The following SYNE2 variants were observed in gnomAD, a reference collection of about 807,000 sequenced individuals.
SYNE2 encodes the protein nesprin-2.
SYNE2 carries 431 observed loss-of-function variants against 856.3 expected under a neutral mutation model. That is an observed-to-expected ratio of 0.50 (90% CI 0.47 to 0.55). The LOEUF (loss-of-function observed/expected upper bound fraction) is 0.55. Ranked by LOEUF, SYNE2 falls within the 20% of genes least tolerant of loss-of-function variation. The probability of loss-of-function intolerance (pLI) is 0.00; values close to 1 mark genes in which losing one functional copy is unlikely to be tolerated. For synonymous variants in SYNE2, 2,923 were observed against 2,872.3 expected, an observed-to-expected ratio of 1.02 and a Z score of -0.56; for missense variants, 8,129 against 8,023.2, an observed-to-expected ratio of 1.01 and a Z score of -0.50.
intron 1 of SYNE2, among the ~76,000 whole-genome samples, chr14:63,771,854 G>A (rs1014568358): frequency 6.6e-6 from 1 of 151,406 alleles, no homozygotes; most frequent in African/African-American, 2.5e-5. Flanking sequence ...CCGAGATCAC[G>A]TCACTGCACT....
chr14:64,102,291 A>G (rs2097737373), intron 64 of SYNE2, among the ~76,000 whole-genome samples: 1 of 152,064 alleles, frequency 6.6e-6, no homozygotes. Context: ...TAATTTTTGT[A>G]TTTGTAGTAG....
At chr14:64,149,528 A>G (rs921337140) in intron 84 of SYNE2, among the ~76,000 whole-genome samples, 3 of 152,172 alleles carry the variant, frequency 2.0e-5, no homozygotes, top group African/African-American at 7.2e-5. Flanking sequence ...CACGTTTGAC[A>G]TATTATAATT....
chr14:64,122,642 A>G, intron 70 of SYNE2: 1 of 640,964 alleles, frequency 1.6e-6, no homozygotes, highest in Non-Finnish European at 2.7e-6. Context: ...GCTGTTATTT[A>G]TAACAACTAT....
chr14:64,141,511 A>G lies in SYNE2; in HGVS notation c.15147A>G (p.Glu5049=), dbSNP rs1192492019. The change falls in exon 81 of 116, where the codon GAA becomes GAG. Residue 5049 remains glutamate, a synonymous_variant. Transcript: ENST00000555002. ...MLITQLPDIQ[E]KLHQLQMEKL... is the part of the protein sequence containing the mutation. Reference sequence around the variant, plus strand: ...TAACTCAACTTCCAGATATTCAAGAAAAACTTCACCAGGTAAGTCTTTAGA... The same window carrying G: ...TAACTCAACTTCCAGATATTCAAGAGAAACTTCACCAGGTAAGTCTTTAGA... 1.2e-6 allele frequency: 2 copies of G among 1,614,026 alleles called. No homozygotes were observed. Among genetic ancestry groups the G allele is most frequent in the Non-Finnish European group, 1.7e-6 (2 of 1,179,936 alleles).
In SYNE2 at chr14:64,221,563, G is replaced by A. The variant is rs370780732; in HGVS notation, c.20062-13G>A. 25 of 1,614,056 alleles carry A rather than the reference G, an allele frequency of 1.5e-5. No homozygotes were observed. Among genetic ancestry groups the A allele is most frequent in the Non-Finnish European group, 2.1e-5 (25 of 1,180,036 alleles). On this transcript the variant is annotated splice_polypyrimidine_tract_variant and intron_variant, in intron 111 of 115. Transcript: ENST00000555002. The stretch of plus-strand genomic sequence containing the variant: ...CTAAGACACGGCCGCGCTCTGATGT[G>A]TTGTTTTTTAAGGACTTCCACCAGT...
At position 64,221,631 on chromosome 14, in the gene SYNE2, G is replaced by A. The variant is rs35831865; in HGVS notation, c.20117G>A (p.Arg6706Gln). 5.5e-4 allele frequency: 892 copies of A among 1,614,114 alleles called. 8 individuals are homozygous for A. The African/African-American group carries it at 0.01, about 19-fold the overall frequency. ...LLLWLASAKNRRQKAHVTDPK... is the reference protein window; with the variant it reads ...LLLWLASAKNQRQKAHVTDPK... ...CTGTGGTTAGCGAGTGCCAAGAACC[G>A]GAGGCAGAAGGCTCATGTCACCGAT... The change falls in exon 112 of 116, where the codon CGG becomes CAG. Residue 6706 changes from arginine to glutamine, a missense_variant. By Grantham distance (43) the Arg-to-Gln change is conservative. Coordinates refer to ENST00000555002, the MANE Select transcript of SYNE2 (RefSeq NM_182914.3).
At position 64,030,050 on chromosome 14, in the gene SYNE2, G is replaced by A. The variant is rs1371896414; in HGVS notation, c.6870G>A (p.Gln2290=). The A allele has an allele frequency of 1.9e-6, 3 of 1,613,770 alleles. No homozygotes were observed. The highest frequency in any genetic ancestry group is 2.5e-6 in the Non-Finnish European group (3 of 1,179,932). ...VDQIAVEEKL[Q]KLQELENRLS... ...AAATAGCGGTTGAGGAAAAATTGCA[G>A]AAACTGCAGGTACTAAACGGTGTCC... The change falls in exon 44 of 116, where the codon CAG becomes CAA. Residue 2290 remains glutamine (Q), a synonymous_variant. Coordinates refer to ENST00000555002, the MANE Select transcript of SYNE2 (RefSeq NM_182914.3).
intron 1 of SYNE2, among the ~76,000 whole-genome samples, chr14:63,836,101 A>G (rs936311761): frequency 1.3e-5 from 2 of 152,140 alleles, no homozygotes; most frequent in African/African-American, 4.8e-5. Context: ...AGTGCAATGC[A>G]GCCTCGACTT....
At chr14:63,884,762 T>C (rs748308439) in intron 1 of SYNE2, among the ~76,000 whole-genome samples, 20 of 152,134 alleles carry the variant, frequency 1.3e-4, no homozygotes, top group South Asian at 8.3e-4. Context: ...AGGCCCCAGA[T>C]GTTGAATTTT....
At chr14:64,173,373 T>G (rs572897686) in intron 94 of SYNE2, among the ~76,000 whole-genome samples, 1 of 152,344 alleles carries the variant, frequency 6.6e-6, no homozygotes, top group African/African-American at 2.4e-5. Context: ...GTTGGAGAGA[T>G]GCACGTGGAG....
At position 64,120,994 on chromosome 14, in the gene SYNE2, C is replaced by A; in HGVS notation, c.13091C>A (p.Ser4364Tyr). 3.7e-6 allele frequency: 6 copies of A among 1,614,172 alleles called. No individual in the cohort carries two copies. Among genetic ancestry groups the A allele is most frequent in the Non-Finnish European group, 5.1e-6 (6 of 1,180,012 alleles). ...HQEALQPVNL[S>Y]ELESIVTERP... is the part of the protein sequence containing the mutation. Reference sequence around the variant, plus strand: ...GAAGCTCTCCAACCAGTTAACCTTTCTGAATTGGAATCCATTGTAACTGAA... The same window carrying A: ...GAAGCTCTCCAACCAGTTAACCTTTATGAATTGGAATCCATTGTAACTGAA... The change falls in exon 68 of 116, where the codon TCT becomes TAT. Residue 4364 changes from serine to tyrosine, a missense_variant. Transcript: ENST00000555002.
intron 57 of SYNE2, among the ~76,000 whole-genome samples, chr14:64,082,742 T>C (rs1371694990): frequency 6.6e-6 from 1 of 152,222 alleles, no homozygotes; most frequent in Non-Finnish European, 1.5e-5. Context: ...TGTTTTGTTT[T>C]AAGCCATTAA....
chr14:63,806,928 T>C lies in SYNE2; in HGVS notation c.-305+44942T>C, dbSNP rs532305512. Among the ~76,000 whole-genome samples the C allele has an allele frequency of 3.0e-4, 45 of 152,038 alleles. No homozygotes were observed. In the South Asian group the frequency reaches 4.4e-3, roughly 15 times the overall value. On this transcript the variant is annotated intron_variant, in intron 1 of 23. Transcript: ENST00000674003. The stretch of plus-strand genomic sequence containing the variant: ...GAACATATCGCTATGTTGCCCAGGC[T>C]GGTTCCAAACTCCTGGCCTCAAGTG...
chr14:64,014,974 T>C (rs9743683), intron 32 of SYNE2, among the ~76,000 whole-genome samples: 73,620 of 84,362 alleles, frequency 0.87, 32,264 homozygotes, highest in Non-Finnish European at 0.92. Context: ...TATATATATA[T>C]ACACACACAC....
intron 11 of SYNE2, among the ~76,000 whole-genome samples, chr14:63,970,653 T>C (rs957287948): frequency 1.1e-4 from 5 of 45,898 alleles, no homozygotes; most frequent in African/African-American, 7.4e-4. Flanking sequence ...TCTTTTTTCT[T>C]TTTTTTTTTT....
Position 64,087,662 on chromosome 14 carries a change from T to C in SYNE2, c.11485-9T>C. The C allele has an allele frequency of 6.2e-7, 1 of 1,613,906 alleles. No homozygotes were observed. ...TTCTCTCTATTTTTCCCATTCTGTG[T>C]TTATCTAGATGGCTTTGGAAGATTC... On this transcript the variant is annotated splice_polypyrimidine_tract_variant and intron_variant, in intron 57 of 115. Coordinates refer to ENST00000555002, the MANE Select transcript of SYNE2 (RefSeq NM_182914.3).
Position 63,983,944 on chromosome 14 carries a change from A to G in SYNE2, c.2151+58A>G. The G allele has an allele frequency of 5.3e-6, 7 of 1,333,126 alleles. No homozygotes were observed. In the East Asian group the frequency reaches 7.6e-5, roughly 14 times the overall value. 82.6% of individuals were successfully genotyped at this position (1,333,126 alleles called of 1,614,324 possible). ...CAAATAGAAATAATTTAACTTTGCT[A>G]TTAAAAAAAAGATATTGCCGGGCAC... On this transcript the variant is annotated intron_variant, in intron 18 of 115. Transcript: ENST00000555002.
chr14:63,825,267 T>C (rs1048951657), intron 1 of SYNE2, among the ~76,000 whole-genome samples: 1 of 151,336 alleles, frequency 6.6e-6, no homozygotes, highest in East Asian at 1.9e-4. Context: ...AGCACTGGAG[T>C]GAGATCAAAA....
At position 64,152,716 on chromosome 14, in the gene SYNE2, G is replaced by C. The variant is rs368363575; in HGVS notation, c.15792G>C (p.Gln5264His). 1.6e-5 allele frequency: 26 copies of C among 1,613,918 alleles called. No individual in the cohort carries two copies. The Middle Eastern group carries it at 4.9e-4, about 31-fold the overall frequency. ...LFQKRSSVLT[Q>H]VNQLKTSMQS... ...AAAAGAGAAGCAGTGTTCTCACTCA[G>C]GTACTAGAATTCATTTGAAATGTGC... Residue 5264 changes from glutamine to histidine, a missense_variant and splice_region_variant, in exon 85 of 116, where the codon CAG (glutamine) becomes CAC (histidine). By Grantham distance (24) the Gln-to-His change is conservative. Around this residue, in one of 3 missense-constraint regions of SYNE2, gnomAD observed 5,410 missense variants for 5,284.8 expected, o/e 1.02. Coordinates refer to ENST00000555002, the MANE Select transcript of SYNE2 (RefSeq NM_182914.3).
Sources: gnomAD v4.1 joint callset for allele counts (sites outside exome capture counted in the v4.1 genomes callset) on GRCh38, gnomAD v4.1.1 for gene constraint, gnomAD v4.1.1 regional missense constraint, MANE v1.5 for transcripts, NCBI Gene and HGNC (gene_info 2026-07-23, HGNC 2026-07-21) for gene names.